Variants in PPM1L observed in about 807,000 individuals in gnomAD.
PPM1L encodes protein phosphatase, Mg2+/Mn2+ dependent 1L.
A neutral mutation model predicts 31.4 loss-of-function variants in PPM1L; 13 were observed. That is an observed-to-expected ratio of 0.41 (90% confidence interval 0.27 to 0.66). The LOEUF (loss-of-function observed/expected upper bound fraction) is 0.66. PPM1L is among the 30% of genes least tolerant of loss of function. PPM1L has a pLI of 0.29. For missense variants in PPM1L, 326 were observed against 453.7 expected (o/e 0.72, Z 2.56); for synonymous variants, 184 against 175.4 (o/e 1.05, Z -0.39).
intron 1 of PPM1L, among the ~76,000 whole-genome samples, chr3:160,850,827 A>G (rs142212433): frequency 0.012 from 1,744 of 150,390 alleles, 29 homozygotes; most frequent in African/African-American, 0.04. Context: ...CATTGATTCC[A>G]TAGAGGGAGA....
chr3:161,017,836 A>G (rs1024448373), intron 2 of PPM1L, among the ~76,000 whole-genome samples: 2 of 152,126 alleles, frequency 1.3e-5, no homozygotes, highest in African/African-American at 4.8e-5. Context: ...GGGGAAAAAC[A>G]GAGTTTTTGC....
At chr3:160,901,327 C>A (rs1487157321) in intron 1 of PPM1L, among the ~76,000 whole-genome samples, 1 of 152,106 alleles carries the variant, frequency 6.6e-6, no homozygotes, top group African/African-American at 2.4e-5. Flanking sequence ...AACATAGCCT[C>A]CTAGTTGGTT....
intron 1 of PPM1L, among the ~76,000 whole-genome samples, chr3:160,867,739 C>G (rs1465076598): frequency 6.6e-6 from 1 of 152,092 alleles, no homozygotes; most frequent in African/African-American, 2.4e-5. Context: ...TGAAATGCAG[C>G]AGACACAGTG....
intron 2 of PPM1L, among the ~76,000 whole-genome samples, chr3:161,027,914 C>G (rs927319384): frequency 3.3e-5 from 5 of 152,168 alleles, no homozygotes; most frequent in African/African-American, 1.2e-4. Context: ...CTCCTCATGG[C>G]CTAGGTACTG....
chr3:161,010,233 A>G (rs1373071024), intron 2 of PPM1L, among the ~76,000 whole-genome samples: 1 of 151,532 alleles, frequency 6.6e-6, no homozygotes, highest in Non-Finnish European at 1.5e-5. Flanking sequence ...ATTCCCACCT[A>G]TGAGTGAGAA....
chr3:160,938,653 A>G (rs1715059979), intron 1 of PPM1L, among the ~76,000 whole-genome samples: 2 of 152,230 alleles, frequency 1.3e-5, no homozygotes, highest in African/African-American at 2.4e-5. Flanking sequence ...AATTTAAGAC[A>G]TAAAGTGATT....
chr3:160,783,568 C>T (rs1711810135), intron 1 of PPM1L, among the ~76,000 whole-genome samples: 1 of 148,676 alleles, frequency 6.7e-6, no homozygotes, highest in Non-Finnish European at 1.5e-5. Context: ...CCATTGCACT[C>T]CAGCCTGGGC....
At chr3:161,060,942 A>G (rs1239529727) in intron 2 of PPM1L, among the ~76,000 whole-genome samples, 1 of 150,740 alleles carries the variant, frequency 6.6e-6, no homozygotes, top group East Asian at 1.9e-4. Context: ...TTATCTCAGA[A>G]CTAATAGCCA....
chr3:161,064,919 T>C (rs1031970313), intron 2 of PPM1L, among the ~76,000 whole-genome samples: 2 of 152,020 alleles, frequency 1.3e-5, no homozygotes, highest in African/African-American at 4.8e-5. Context: ...CAACCTGTCC[T>C]GACATCAGCA....
chr3:160,923,364 T>G (rs1444314724), intron 1 of PPM1L, among the ~76,000 whole-genome samples: 1 of 152,198 alleles, frequency 6.6e-6, no homozygotes, highest in Non-Finnish European at 1.5e-5. Flanking sequence ...GAATTAATAT[T>G]TTATTGTTCT....
At chr3:160,764,142 G>T (rs1715041740) in intron 1 of PPM1L, among the ~76,000 whole-genome samples, 1 of 151,950 alleles carries the variant, frequency 6.6e-6, no homozygotes, top group Non-Finnish European at 1.5e-5. Flanking sequence ...CTTTTTTAGG[G>T]GGTGGGGTGG....
intron 1 of PPM1L, among the ~76,000 whole-genome samples, chr3:160,789,915 A>G (rs1712051258): frequency 6.6e-6 from 1 of 152,128 alleles, no homozygotes; most frequent in South Asian, 2.1e-4. Flanking sequence ...TTCCTAATAT[A>G]AAGTGGCATA....
chr3:160,936,069 A>G (rs1714960665), intron 1 of PPM1L, among the ~76,000 whole-genome samples: 1 of 152,006 alleles, frequency 6.6e-6, no homozygotes, highest in African/African-American at 2.4e-5. Flanking sequence ...GGTCTCTCCC[A>G]CCTCTTCTGT....
intron 1 of PPM1L, among the ~76,000 whole-genome samples, chr3:160,849,806 C>T (rs985522109): frequency 9.2e-5 from 14 of 151,580 alleles, no homozygotes; most frequent in Non-Finnish European, 1.5e-4. Context: ...CCTCGTGATC[C>T]GCCTGCCTCA....
intron 2 of PPM1L, among the ~76,000 whole-genome samples, chr3:161,038,559 G>A (rs1235235173): frequency 1.5e-5 from 2 of 137,116 alleles, no homozygotes; most frequent in Non-Finnish European, 3.0e-5. Context: ...TCTTGCCTTG[G>A]CCTCCCAAAA....
At chr3:160,841,579 T>G (rs1713879931) in intron 1 of PPM1L, among the ~76,000 whole-genome samples, 2 of 152,184 alleles carry the variant, frequency 1.3e-5, no homozygotes, top group Non-Finnish European at 2.9e-5. Context: ...AAACATTGAT[T>G]AGCCTTTGAA....
intron 2 of PPM1L, among the ~76,000 whole-genome samples, chr3:160,976,576 TTC>T: frequency 6.6e-6 from 1 of 151,734 alleles, no homozygotes; most frequent in East Asian, 1.9e-4. Context: ...TATTCAGAGA[TTC>T]AACTTCTTCC....
intron 2 of PPM1L, among the ~76,000 whole-genome samples, chr3:161,011,842 G>T (rs186421917): frequency 2.0e-5 from 3 of 152,246 alleles, no homozygotes; most frequent in South Asian, 2.1e-4. Context: ...GTATAAGAAG[G>T]CTTGGGATTT....
chr3:160,912,149 G>C (rs1713995529), intron 1 of PPM1L, among the ~76,000 whole-genome samples: 1 of 152,088 alleles, frequency 6.6e-6, no homozygotes, highest in Non-Finnish European at 1.5e-5. Context: ...AAGCTGAATG[G>C]GGATTTAGAC....
Sources: gnomAD v4.1 joint callset for allele counts (sites outside exome capture counted in the v4.1 genomes callset) on GRCh38, gnomAD v4.1.1 for gene constraint, MANE v1.5 for transcripts, NCBI Gene and HGNC (gene_info 2026-07-23, HGNC 2026-07-21) for gene names.